Variants in SEM1 observed in about 807,000 individuals in gnomAD.
SEM1 encodes the protein 26S proteasome complex subunit SEM1.
In SEM1, 3 loss-of-function variants were observed where a neutral mutation model predicts 12.7. That is an observed-to-expected ratio of 0.24 (90% CI 0.11 to 0.61). SEM1 has a LOEUF of 0.61. Ranked by LOEUF, SEM1 falls within the 20% of genes least tolerant of loss-of-function variation. SEM1 has a pLI of 0.88. For synonymous variants in SEM1, 30 were observed against 27.8 expected (o/e 1.08, Z -0.25); for missense variants, 59 against 81.3 (o/e 0.73, Z 1.06).
Position 96,615,241 on chromosome 7 carries a change from C to CTTTTTTTTTTTTTTTTTTTTTTTTTT in SEM1, c.170+79556_170+79557insAAAAAAAAAAAAAAAAAAAAAAAAAA, listed in dbSNP as rs60940244. 7.1e-5 allele frequency among the ~76,000 whole-genome samples: 9 copies of CTTTTTTTTTTTTTTTTTTTTTTTTTT among 126,414 alleles called. 1 individual carries two copies. Among genetic ancestry groups the CTTTTTTTTTTTTTTTTTTTTTTTTTT allele is most frequent in the African/African-American group, 2.5e-4 (8 of 31,496 alleles). 82.9% of individuals were successfully genotyped at this position (126,414 alleles called of 152,430 possible). A position where few individuals can be genotyped will look rare whatever the true frequency, so the allele number is the denominator to read the frequency against. ...ACTGTTGGGTTATTTTTTGAGTCAT[C>CTTTTTTTTTTTTTTTTTTTTTTTTTT]TTTTTTTTTTTTTTTTTTTTTTTTG... On this transcript the variant is annotated intron_variant and NMD_transcript_variant, in intron 2 of 3. Coordinates refer to the SEM1 transcript ENST00000466986.
intron 2 of SEM1, among the ~76,000 whole-genome samples, chr7:96,513,836 A>C (rs1584726995): frequency 1.3e-5 from 2 of 152,224 alleles, no homozygotes; most frequent in Admixed American, 1.3e-4. Context: ...CTCAAAAATA[A>C]AAAAATTCGT....
At chr7:96,488,027 C>T (rs959333413) in intron 1 of SEM1, among the ~76,000 whole-genome samples, 1 of 140,222 alleles carries the variant, frequency 7.1e-6, no homozygotes. Flanking sequence ...TATCCGTACT[C>T]ATGTGGGTTA....
intron 2 of SEM1, among the ~76,000 whole-genome samples, chr7:96,681,075 A>C (rs1205261937): frequency 6.6e-6 from 1 of 152,116 alleles, no homozygotes; most frequent in African/African-American, 2.4e-5. Context: ...TCCATGTTCA[A>C]GCAACTGCAT....
intron 2 of SEM1, among the ~76,000 whole-genome samples, chr7:96,604,615 G>A (rs1807290342): frequency 6.6e-6 from 1 of 151,912 alleles, no homozygotes; most frequent in South Asian, 2.1e-4. Flanking sequence ...ATGAACTCTG[G>A]TGCCAGAATA....
chr7:96,487,983 G>T (rs1303600626), intron 1 of SEM1, among the ~76,000 whole-genome samples: 1 of 142,786 alleles, frequency 7.0e-6, no homozygotes, highest in African/African-American at 3.1e-5. Flanking sequence ...AGAGCTTGCT[G>T]TTCTTATCAT....
At chr7:96,579,786 C>G (rs777918241) in intron 2 of SEM1, among the ~76,000 whole-genome samples, 1 of 151,826 alleles carries the variant, frequency 6.6e-6, no homozygotes, top group Non-Finnish European at 1.5e-5. Context: ...CTATATACAC[C>G]CTTTATACCA....
At chr7:96,583,393 T>A (rs1294258271) in intron 2 of SEM1, among the ~76,000 whole-genome samples, 2 of 141,974 alleles carry the variant, frequency 1.4e-5, no homozygotes, top group East Asian at 4.2e-4. Context: ...TACTTCCAAG[T>A]ATGTGGTCAA....
intron 2 of SEM1, among the ~76,000 whole-genome samples, chr7:96,677,648 G>A (rs1410815861): frequency 6.6e-6 from 1 of 152,092 alleles, no homozygotes; most frequent in African/African-American, 2.4e-5. Context: ...GGGTCTCAGA[G>A]CAGGAACTAT....
chr7:96,498,093 A>G (rs1803362868), upstream of SEM1, among the ~76,000 whole-genome samples: 1 of 152,156 alleles, frequency 6.6e-6, no homozygotes, highest in African/African-American at 2.4e-5. Context: ...ATCTCATTTA[A>G]CTACAGCCTT....
chr7:96,693,200 C>G (rs1467213006), intron 2 of SEM1, among the ~76,000 whole-genome samples: 2 of 151,942 alleles, frequency 1.3e-5, no homozygotes, highest in East Asian at 3.9e-4. Flanking sequence ...AACAAGCTTA[C>G]TAGACTAGTA....
At chr7:96,515,877 G>A (rs150307219) in intron 2 of SEM1, among the ~76,000 whole-genome samples, 2,560 of 152,132 alleles carry the variant, frequency 0.017, 26 homozygotes, top group Non-Finnish European at 0.026. Flanking sequence ...GGCCTGTTGC[G>A]GGGTCGGGGA....
intron 1 of SEM1, among the ~76,000 whole-genome samples, chr7:96,698,362 G>A (rs1313872439): frequency 1.3e-5 from 2 of 151,896 alleles, no homozygotes; most frequent in Non-Finnish European, 2.9e-5. Flanking sequence ...CCATCACCTA[G>A]GTTTTAAGTC....
Position 96,533,592 on chromosome 7 carries a change from C to A in SEM1, c.171-26894G>T, listed in dbSNP as rs550886790. On this transcript the variant is annotated intron_variant and NMD_transcript_variant, in intron 2 of 3. Coordinates refer to the SEM1 transcript ENST00000466986. ...CATAAGCTTGTGAAGGTAGCAGAAA[C>A]GGCAGGCGCTGAATTATTTGGATAT... Among the ~76,000 whole-genome samples the A allele has an allele frequency of 2.6e-5, 4 of 151,990 alleles. No homozygotes were observed. In the East Asian group the frequency reaches 7.7e-4, roughly 29 times the overall value.
At position 96,693,359 on chromosome 7, in the gene SEM1, T is replaced by C. The variant is rs142725792; in HGVS notation, c.170+1439A>G. ...AAAAAGTCTCTTCAACAAATGGTGC[T>C]GGAAAGACTAGACATCTATATGCAG... On this transcript the variant is annotated intron_variant, in intron 2 of 2. Coordinates refer to ENST00000248566, the MANE Select transcript of SEM1 (RefSeq NM_006304.2). 4.3e-3 allele frequency among the ~76,000 whole-genome samples: 659 copies of C among 152,138 alleles called. 4 individuals carry two copies. Among genetic ancestry groups the C allele is most frequent in the African/African-American group, 0.015 (634 of 41,532 alleles).
At chr7:96,539,468 T>A (rs1484131869) in intron 2 of SEM1, among the ~76,000 whole-genome samples, 1 of 151,590 alleles carries the variant, frequency 6.6e-6, no homozygotes, top group Non-Finnish European at 1.5e-5. Flanking sequence ...ATTTTGTTAT[T>A]GTGTTGCTCC....
intron 1 of SEM1, among the ~76,000 whole-genome samples, chr7:96,704,006 CACACAT>C (rs1554437206): frequency 8.3e-5 from 12 of 145,346 alleles, no homozygotes; most frequent in African/African-American, 2.3e-4. Context: ...CACACACACA[CACACAT>C]ACATAAAAGA....
In SEM1 at chr7:96,585,303, A is replaced by AC. The variant is rs558092486; in HGVS notation, c.171-78606_171-78605insG. On this transcript the variant is annotated intron_variant and NMD_transcript_variant, in intron 2 of 3. Transcript: ENST00000466986. ...CTCAGGGGTCAGGGGTCAGGGACCC[A>AC]TTGAGGAGGCAGTCTGCCTGTTCTC... Among the ~76,000 whole-genome samples, 191 of 152,314 alleles carry AC rather than the reference A, an allele frequency of 1.3e-3. 3 individuals carry two copies. The East Asian group carries it at 0.027, about 21-fold the overall frequency.
intron 2 of SEM1, among the ~76,000 whole-genome samples, chr7:96,526,785 T>C (rs1441338524): frequency 6.6e-6 from 1 of 152,030 alleles, no homozygotes; most frequent in African/African-American, 2.4e-5. Context: ...CTGGGGCTTG[T>C]GTTCTGTGGG....
chr7:96,491,073 C>T (rs1802988222), intron 1 of SEM1, among the ~76,000 whole-genome samples: 1 of 152,180 alleles, frequency 6.6e-6, no homozygotes, highest in Non-Finnish European at 1.5e-5. Context: ...TCTCGCTTTG[C>T]ATTGCTGCAT....
Sources: allele counts gnomAD v4.1 joint callset (sites outside exome capture counted in the v4.1 genomes callset), GRCh38; gene constraint gnomAD v4.1.1; transcripts MANE v1.5; gene names NCBI Gene and HGNC (gene_info 2026-07-23, HGNC 2026-07-21).